Variants in AGMO observed in about 807,000 individuals in gnomAD.
The protein encoded by AGMO is alkylglycerol monooxygenase.
AGMO carries 75 observed loss-of-function variants against 60.2 expected under a neutral mutation model. That is an observed-to-expected ratio of 1.25 (90% CI 1.03 to 1.51). The LOEUF (loss-of-function observed/expected upper bound fraction) is 1.51, where lower values mean the gene tolerates loss of function less well. AGMO is among the 40% of genes most tolerant of loss of function. AGMO has a pLI of 0.00. For synonymous variants in AGMO, 261 were observed against 177.1 expected (o/e 1.47, Z -3.76); for missense variants, 763 against 525.5 (o/e 1.45, Z -4.42).
chr7:15,252,527 C>A (rs1476522347), intron 12 of AGMO, among the ~76,000 whole-genome samples: 1 of 152,156 alleles, frequency 6.6e-6, no homozygotes, highest in South Asian at 2.1e-4. Context: ...AGGGCAAACT[C>A]CAGCCAAGCA....
chr7:15,227,426 T>C (rs1357788119), intron 12 of AGMO, among the ~76,000 whole-genome samples: 2 of 149,808 alleles, frequency 1.3e-5, no homozygotes, highest in Non-Finnish European at 3.0e-5. Context: ...CAAACAAATA[T>C]ATCAACAATG....
chr7:15,144,893 G>A, the AGMO span, among the ~76,000 whole-genome samples: 2 of 152,266 alleles, frequency 1.3e-5, no homozygotes, highest in East Asian at 1.9e-4. Flanking sequence ...GCAGTGGTGC[G>A]ATCTCTGCTC....
intron 4 of AGMO, among the ~76,000 whole-genome samples, chr7:15,422,813 G>A (rs950734868): frequency 6.6e-6 from 1 of 152,082 alleles, no homozygotes; most frequent in Non-Finnish European, 1.5e-5. Context: ...TCTGGATGTG[G>A]GAGTGAAGAG....
chr7:15,278,777 T>C (rs1281998739), intron 12 of AGMO, among the ~76,000 whole-genome samples: 4 of 152,150 alleles, frequency 2.6e-5, no homozygotes, highest in East Asian at 3.9e-4. Flanking sequence ...GTGGTGGCAA[T>C]TGCTGTGGCA....
At position 15,557,744 on chromosome 7, in the gene AGMO, A is replaced by T. The variant is rs190200324; in HGVS notation, c.257+2397T>A. 3.4e-4 allele frequency among the ~76,000 whole-genome samples: 52 copies of T among 152,248 alleles called. No individual in the cohort carries two copies. In the East Asian group the frequency reaches 9.8e-3, roughly 29 times the overall value. ...GAGAAAATTCCTTGAAAAACTTTTT[A>T]AAAATCCACATTTCATAATTTAGAA... On this transcript the variant is annotated intron_variant, in intron 2 of 12. Transcript: ENST00000342526.
Position 15,313,033 on chromosome 7 carries a change from T to C in AGMO, c.1263+52481A>G, listed in dbSNP as rs113288192. ...ATCTAATATACAAGGTCAGAGATAA[T>C]AAAGAATGCAGAGAAAGATATTGGA... On this transcript the variant is annotated intron_variant, in intron 12 of 12. Coordinates refer to ENST00000342526, the MANE Select transcript of AGMO (RefSeq NM_001004320.2). Among the ~76,000 whole-genome samples, 15 of 152,138 alleles carry C rather than the reference T, an allele frequency of 9.9e-5. 1 individual carries two copies. Among genetic ancestry groups the C allele is most frequent in the African/African-American group, 3.4e-4 (14 of 41,498 alleles).
chr7:15,314,948 A>G (rs981642953), intron 12 of AGMO, among the ~76,000 whole-genome samples: 1 of 152,186 alleles, frequency 6.6e-6, no homozygotes, highest in Non-Finnish European at 1.5e-5. Context: ...TGCTGGCTCT[A>G]ATCTGTAGGG....
the AGMO span, among the ~76,000 whole-genome samples, chr7:15,156,974 T>G: frequency 6.6e-6 from 1 of 152,224 alleles, no homozygotes; most frequent in Non-Finnish European, 1.5e-5. Context: ...TTGTTCCTTT[T>G]AAGTAGGCTG....
intron 12 of AGMO, among the ~76,000 whole-genome samples, chr7:15,225,692 A>G (rs993161531): frequency 4.6e-5 from 7 of 151,966 alleles, no homozygotes; most frequent in Admixed American, 1.3e-4. Context: ...TACTCATGGC[A>G]GAATAAAAAC....
chr7:15,244,456 C>A (rs983781792), intron 12 of AGMO, among the ~76,000 whole-genome samples: 2 of 152,114 alleles, frequency 1.3e-5, no homozygotes, highest in Non-Finnish European at 2.9e-5. Flanking sequence ...AACACCATTA[C>A]CCGACTCCTA....
intron 6 of AGMO, among the ~76,000 whole-genome samples, chr7:15,393,246 T>C (rs1411032438): frequency 6.6e-6 from 1 of 152,238 alleles, no homozygotes; most frequent in Non-Finnish European, 1.5e-5. Context: ...GATAGGGACC[T>C]GCCCTTCTTG....
intron 10 of AGMO, among the ~76,000 whole-genome samples, chr7:15,370,572 C>T (rs1211373963): frequency 1.3e-5 from 2 of 152,026 alleles, no homozygotes. Flanking sequence ...GATTTTTTAA[C>T]AATAGCCATT....
At position 15,446,326 on chromosome 7, in the gene AGMO, CTTG is replaced by C. The variant is rs1781696581; in HGVS notation, c.410-15221_410-15219del. On this transcript the variant is annotated intron_variant, in intron 3 of 12. Coordinates refer to ENST00000342526, the MANE Select transcript of AGMO (RefSeq NM_001004320.2). Reference sequence around the variant, plus strand: ...TAATTCTCTCTTTCCCTGTGATCAGCTTGTATGAAACATTGCCCATCATAAATA... The same window carrying C: ...TAATTCTCTCTTTCCCTGTGATCAGCTATGAAACATTGCCCATCATAAATA... Among the ~76,000 whole-genome samples the C allele has an allele frequency of 2.0e-5, 3 of 152,212 alleles. No homozygotes were observed. The South Asian group carries it at 6.2e-4, about 32-fold the overall frequency.
chr7:15,432,608 TA>T (rs1781287005), intron 3 of AGMO, among the ~76,000 whole-genome samples: 1 of 151,748 alleles, frequency 6.6e-6, no homozygotes, highest in African/African-American at 2.4e-5. Context: ...TAAAGTCATA[TA>T]TTTTTCAATG....
chr7:15,191,305 GA>G, the AGMO span, among the ~76,000 whole-genome samples: 10 of 152,230 alleles, frequency 6.6e-5, no homozygotes, highest in East Asian at 1.9e-3. Context: ...GAAAATATAT[GA>G]ACCCTCTTTT....
chr7:15,271,185 G>A (rs1020035929), intron 12 of AGMO, among the ~76,000 whole-genome samples: 1 of 152,044 alleles, frequency 6.6e-6, no homozygotes, highest in Non-Finnish European at 1.5e-5. Flanking sequence ...ATTTAAAACT[G>A]ATATTTCTTA....
chr7:15,131,023 T>C, the AGMO span, among the ~76,000 whole-genome samples: 1 of 152,046 alleles, frequency 6.6e-6, no homozygotes, highest in African/African-American at 2.4e-5. Flanking sequence ...AATAGCTATA[T>C]CATTCTGTTT....
chr7:15,211,156 G>A (rs1000161657), intron 12 of AGMO, among the ~76,000 whole-genome samples: 1 of 151,918 alleles, frequency 6.6e-6, no homozygotes, highest in South Asian at 2.1e-4. Flanking sequence ...TTTTGTTTCT[G>A]TATTTATAAA....
At chr7:15,517,745 G>T (rs1783859986) in intron 3 of AGMO, among the ~76,000 whole-genome samples, 3 of 152,068 alleles carry the variant, frequency 2.0e-5, no homozygotes, top group Admixed American at 2.0e-4. Context: ...CGGCAGTTTG[G>T]TCAGACACCG....
Sources: allele counts gnomAD v4.1 joint callset (sites outside exome capture counted in the v4.1 genomes callset), GRCh38; gene constraint gnomAD v4.1.1; transcripts MANE v1.5; gene names NCBI Gene and HGNC (gene_info 2026-07-23, HGNC 2026-07-21).